GCM1: variants seen among roughly 807,000 people sequenced by gnomAD.
The protein encoded by GCM1 is chorion-specific transcription factor GCMa.
In GCM1, 2 loss-of-function variants were observed where a neutral mutation model predicts 25.7. That is an observed-to-expected ratio of 0.08 (90% CI 0.03 to 0.24). GCM1 has a LOEUF of 0.24. Among genes scored for constraint, GCM1 ranks in the 10% least tolerant of loss-of-function variants. The probability of loss-of-function intolerance (pLI) is 1.00; values close to 1 mark genes in which losing one functional copy is unlikely to be tolerated. For synonymous variants in GCM1, 183 were observed against 195.7 expected (o/e 0.94, Z 0.54); for missense variants, 395 against 538.7 (o/e 0.73, Z 2.64).
intron 2 of GCM1, among the ~76,000 whole-genome samples, chr6:53,141,920 C>T (rs1402076992): frequency 1.5e-5 from 2 of 134,330 alleles, no homozygotes; most frequent in African/African-American, 5.7e-5. Context: ...GAGAGAATCA[C>T]CTAAGCCCGG....
rs60718730 is a variant in GCM1 at position 53,142,870 on chromosome 6, CAAAAAAAAAAAAAAA to C, written c.75+2673_75+2687del. Among the ~76,000 whole-genome samples, 18 of 37,536 alleles carry C rather than the reference CAAAAAAAAAAAAAAA, an allele frequency of 4.8e-4. 1 individual carries two copies. Among genetic ancestry groups the C allele is most frequent in the Non-Finnish European group, 3.0e-4 (5 of 16,700 alleles). 24.6% of individuals were successfully genotyped at this position (37,536 alleles called of 152,430 possible). ...AAAAGGTAAACAACTCAAGGATCTC[CAAAAAAAAAAAAAAA>C]AAAAAAAAAAAAAAAAAAGGAGATG... On this transcript the variant is annotated intron_variant, in intron 2 of 5. Coordinates refer to ENST00000259803, the MANE Select transcript of GCM1 (RefSeq NM_003643.4).
At chr6:53,131,725 A>G (rs527260276) in intron 4 of GCM1, among the ~76,000 whole-genome samples, 18 of 152,348 alleles carry the variant, frequency 1.2e-4, no homozygotes, top group Non-Finnish European at 2.1e-4. Flanking sequence ...GAAGGCTACC[A>G]GCAGCATGCA....
At chr6:53,142,039 A>AAAAAAAAAAG (rs1763882148) in intron 2 of GCM1, among the ~76,000 whole-genome samples, 1 of 127,176 alleles carries the variant, frequency 7.9e-6, no homozygotes, top group Non-Finnish European at 1.6e-5. Flanking sequence ...AAAAAAAAAA[A>AAAAAAAAAAG]AACAGAAAGA....
chr6:53,145,753 A>C lies in GCM1; in HGVS notation c.-121T>G, dbSNP rs1477457936. Reference sequence around the variant, plus strand: ...GCCCACTCAAGCACCTTGGACCAGGAGATTGTTTTCTAGGGCTAAAAAAAT... The same window carrying C: ...GCCCACTCAAGCACCTTGGACCAGGCGATTGTTTTCTAGGGCTAAAAAAAT... On this transcript the variant is annotated 5_prime_UTR_variant, in exon 2 of 6. Transcript: ENST00000259803. The C allele has an allele frequency of 1.5e-6, 1 of 649,346 alleles. No homozygotes were observed. Among genetic ancestry groups the C allele is most frequent in the African/African-American group, 1.9e-5 (1 of 53,670 alleles). 40.2% of individuals were successfully genotyped at this position (649,346 alleles called of 1,614,324 possible).
chr6:53,141,767 G>A (rs1050340546), intron 2 of GCM1, among the ~76,000 whole-genome samples: 1 of 151,790 alleles, frequency 6.6e-6, no homozygotes, highest in African/African-American at 2.4e-5. Context: ...ATTTTGGGAG[G>A]CCAAGGTGGG....
At chr6:53,132,470 G>T (rs1035608568) in intron 3 of GCM1, among the ~76,000 whole-genome samples, 1 of 152,194 alleles carries the variant, frequency 6.6e-6, no homozygotes, top group African/African-American at 2.4e-5. Flanking sequence ...CAGCACTTTG[G>T]GAGGCCAAGG....
At chr6:53,146,221 T>A (rs1290240687) in intron 1 of GCM1, among the ~76,000 whole-genome samples, 2,432 of 68,564 alleles carry the variant, frequency 0.035, 25 homozygotes, top group East Asian at 0.15. Context: ...TATATATTTT[T>A]TTTTTTTTTT....
chr6:53,130,524 T>C (rs1365900317), intron 5 of GCM1, among the ~76,000 whole-genome samples: 2 of 152,232 alleles, frequency 1.3e-5, no homozygotes, highest in Admixed American at 6.5e-5. Flanking sequence ...TTGCCAAATA[T>C]AAGTTAAGTG....
intron 2 of GCM1, among the ~76,000 whole-genome samples, chr6:53,135,467 T>C (rs1308679189): frequency 6.6e-6 from 1 of 152,234 alleles, no homozygotes; most frequent in Non-Finnish European, 1.5e-5. Context: ...ATATATTAAA[T>C]ACTTAGCACA....
Position 53,130,850 on chromosome 6 carries a change from C to T in GCM1, c.523G>A (p.Ala175Thr). 1 of 1,613,676 alleles carries T rather than the reference C, an allele frequency of 6.2e-7. No homozygotes were observed. The highest frequency in any genetic ancestry group is 1.1e-5 in the South Asian group (1 of 91,076). Residue 175 changes from alanine (A) to threonine (T), a missense_variant, in exon 5 of 6, where the codon GCA (alanine) becomes ACA (threonine). Transcript: ENST00000259803. ...AGGCTCAATGAGACGGAGGAAGGTG[C>T]TGTGTTCACTTTCTTCATGGCTCTT... ...ARRAMKKVNT[A>T]PSSVSLSLKG...
intron 2 of GCM1, among the ~76,000 whole-genome samples, chr6:53,138,083 A>G (rs982476015): frequency 1.2e-4 from 18 of 152,106 alleles, no homozygotes; most frequent in African/African-American, 4.3e-4. Flanking sequence ...GGAGTTCAAG[A>G]CCAGACTGGC....
At chr6:53,141,908 T>G (rs1318634616) in intron 2 of GCM1, among the ~76,000 whole-genome samples, 1 of 138,274 alleles carries the variant, frequency 7.2e-6, no homozygotes, top group African/African-American at 2.7e-5. Context: ...AGAGGCTGGG[T>G]TGAGAGAATC....
intron 2 of GCM1, among the ~76,000 whole-genome samples, chr6:53,134,526 A>G (rs1425922457): frequency 1.3e-5 from 2 of 152,246 alleles, no homozygotes; most frequent in Non-Finnish European, 2.9e-5. Flanking sequence ...TGTGTCTGTC[A>G]GGCATTCAGC....
chr6:53,139,931 T>C (rs1450584698), intron 2 of GCM1, among the ~76,000 whole-genome samples: 1 of 152,194 alleles, frequency 6.6e-6, no homozygotes, highest in Non-Finnish European at 1.5e-5. Flanking sequence ...CACTAAGTTA[T>C]GCCAAGTTAC....
intron 2 of GCM1, among the ~76,000 whole-genome samples, chr6:53,138,580 G>A (rs1763832756): frequency 6.6e-6 from 1 of 152,126 alleles, no homozygotes; most frequent in South Asian, 2.1e-4. Context: ...TCTTCATCAT[G>A]TTTAGCGAAT....
intron 4 of GCM1, 87 bp downstream of exon 4, chr6:53,131,920 G>A (rs878950399): frequency 1.3e-6 from 1 of 789,044 alleles, no homozygotes; most frequent in Non-Finnish European, 2.3e-6. Flanking sequence ...CGGGGATGGT[G>A]CAGGATCTCA....
intron 2 of GCM1, among the ~76,000 whole-genome samples, chr6:53,136,266 G>A (rs1581851929): frequency 6.6e-6 from 1 of 152,208 alleles, no homozygotes; most frequent in African/African-American, 2.4e-5. Context: ...TTACACCACC[G>A]CAGCAGAGAC....
At chr6:53,146,195 TA>T (rs1581857256) in intron 1 of GCM1, among the ~76,000 whole-genome samples, 2 of 57,800 alleles carry the variant, frequency 3.5e-5, no homozygotes, top group East Asian at 1.9e-3. Context: ...ATATATGTTT[TA>T]TATATATATA....
intron 3 of GCM1, among the ~76,000 whole-genome samples, chr6:53,133,568 T>G (rs960907613): frequency 6.6e-6 from 1 of 152,152 alleles, no homozygotes; most frequent in Non-Finnish European, 1.5e-5. Flanking sequence ...TATGGCTCAC[T>G]GCAGCCTTGA....
Sources: gnomAD v4.1 joint callset for allele counts (sites outside exome capture counted in the v4.1 genomes callset) on GRCh38, gnomAD v4.1.1 for gene constraint, MANE v1.5 for transcripts, NCBI Gene and HGNC (gene_info 2026-07-23, HGNC 2026-07-21) for gene names.